ADCY8: variants seen among roughly 807,000 people sequenced by gnomAD.
The protein encoded by ADCY8 is adenylate cyclase type 8.
A neutral mutation model predicts 119.7 loss-of-function variants in ADCY8; 51 were observed. The observed-to-expected ratio is 0.43, with a 90% confidence interval of 0.34 to 0.54. The LOEUF is 0.54. ADCY8 is among the 20% of genes least tolerant of loss of function. ADCY8 has a pLI of 0.03. For missense variants in ADCY8, 1,383 were observed against 1,598.8 expected (o/e 0.87, Z 2.30); for synonymous variants, 665 against 651.0 (o/e 1.02, Z -0.33).
intron 2 of ADCY8, among the ~76,000 whole-genome samples, chr8:130,967,776 A>C (rs1306064976): frequency 1.3e-5 from 2 of 152,124 alleles, no homozygotes; most frequent in Non-Finnish European, 2.9e-5. Context: ...AAAATACATC[A>C]AACTGGGAAC....
intron 1 of ADCY8, among the ~76,000 whole-genome samples, chr8:131,001,471 A>G (rs1267131692): frequency 1.3e-5 from 2 of 151,788 alleles, no homozygotes; most frequent in African/African-American, 4.8e-5. Context: ...TTCTGATCTG[A>G]CCAATGGGAA....
chr8:130,922,463 C>T (rs975427943), intron 5 of ADCY8, among the ~76,000 whole-genome samples: 5 of 152,184 alleles, frequency 3.3e-5, no homozygotes, highest in Non-Finnish European at 7.4e-5. Context: ...CATCTTGCAC[C>T]GCCCTTAATC....
At chr8:130,816,217 C>T (rs966120607) in intron 13 of ADCY8, among the ~76,000 whole-genome samples, 1 of 152,218 alleles carries the variant, frequency 6.6e-6, no homozygotes, top group Non-Finnish European at 1.5e-5. Context: ...ACCAAATGTT[C>T]ATTTTGTTGG....
chr8:130,953,506 T>C (rs2130663470), intron 2 of ADCY8, among the ~76,000 whole-genome samples: 1 of 152,284 alleles, frequency 6.6e-6, no homozygotes, highest in East Asian at 1.9e-4. Context: ...AAGCGGCAGT[T>C]GCAGGGTACG....
intron 2 of ADCY8, among the ~76,000 whole-genome samples, chr8:130,970,306 A>G (rs1439216525): frequency 6.6e-6 from 1 of 152,200 alleles, no homozygotes; most frequent in Non-Finnish European, 1.5e-5. Context: ...CTCCTGTCAG[A>G]TCGGTGGCAG....
intron 5 of ADCY8, among the ~76,000 whole-genome samples, chr8:130,915,769 C>A (rs1424939299): frequency 6.6e-6 from 1 of 152,120 alleles, no homozygotes; most frequent in Non-Finnish European, 1.5e-5. Context: ...CTTTACCTAC[C>A]CTTTTCTGCT....
chr8:130,961,075 G>A (rs1821587595), intron 2 of ADCY8, among the ~76,000 whole-genome samples: 1 of 152,090 alleles, frequency 6.6e-6, no homozygotes, highest in African/African-American at 2.4e-5. Context: ...GCACAAAGGA[G>A]GCCTTTTACT....
intron 2 of ADCY8, among the ~76,000 whole-genome samples, chr8:130,975,115 C>T (rs1197872818): frequency 6.6e-6 from 1 of 152,170 alleles, no homozygotes; most frequent in Non-Finnish European, 1.5e-5. Context: ...ACAGTGCTGT[C>T]CTCTTGTTTA....
At chr8:130,904,299 C>T (rs184816708) in intron 6 of ADCY8, among the ~76,000 whole-genome samples, 1 of 152,324 alleles carries the variant, frequency 6.6e-6, no homozygotes, top group African/African-American at 2.4e-5. Flanking sequence ...TGAGCCACAC[C>T]TAAGCACATC....
intron 8 of ADCY8, among the ~76,000 whole-genome samples, chr8:130,882,897 G>C (rs568342435): frequency 3.3e-5 from 5 of 152,006 alleles, no homozygotes; most frequent in Non-Finnish European, 7.4e-5. Flanking sequence ...CAGGAGAGGA[G>C]TGATCGTTTG....
chr8:130,793,522 A>G (rs1815487737), intron 15 of ADCY8, among the ~76,000 whole-genome samples: 2 of 152,170 alleles, frequency 1.3e-5, no homozygotes, highest in African/African-American at 4.8e-5. Flanking sequence ...AATAGAGTAT[A>G]AGCTTCATGA....
intron 6 of ADCY8, among the ~76,000 whole-genome samples, chr8:130,906,438 G>A (rs1318636970): frequency 1.3e-5 from 2 of 152,070 alleles, no homozygotes; most frequent in African/African-American, 4.8e-5. Flanking sequence ...AGTATGCAAG[G>A]GGACAAATAC....
At chr8:130,946,851 A>G (rs1821119540) in intron 3 of ADCY8, among the ~76,000 whole-genome samples, 1 of 152,214 alleles carries the variant, frequency 6.6e-6, no homozygotes, top group African/African-American at 2.4e-5. Context: ...CTGTACCACA[A>G]TCTGCTTTAA....
chr8:131,029,771 T>G (rs953027245), intron 1 of ADCY8, among the ~76,000 whole-genome samples: 1 of 152,044 alleles, frequency 6.6e-6, no homozygotes, highest in Admixed American at 6.6e-5. Context: ...TGGTGTACTT[T>G]TGCTGTATTG....
intron 5 of ADCY8, among the ~76,000 whole-genome samples, chr8:130,924,048 T>C (rs1169173047): frequency 6.6e-6 from 1 of 152,214 alleles, no homozygotes; most frequent in Non-Finnish European, 1.5e-5. Flanking sequence ...TGATGGCAAA[T>C]TTCAGGCATC....
At position 131,040,620 on chromosome 8, in the gene ADCY8, G is replaced by A. The variant is rs1053411885; in HGVS notation, c.-287C>T. On this transcript the variant is annotated 5_prime_UTR_variant, in exon 1 of 18. Coordinates refer to ENST00000286355, the MANE Select transcript of ADCY8 (RefSeq NM_001115.3). ...AGCGGCAGTGGCTATTTGTCCTCAG[G>A]AGCCGCAGCGCTGTGAGCCACGCAG... The A allele has an allele frequency of 3.3e-4, 102 of 311,088 alleles. No homozygotes were observed. The highest frequency in any genetic ancestry group is 5.3e-4 in the Non-Finnish European group (91 of 171,584). 19.3% of individuals were successfully genotyped at this position (311,088 alleles called of 1,614,324 possible). A position where few individuals can be genotyped will look rare whatever the true frequency, so the allele number is the denominator to read the frequency against.
chr8:131,026,364 A>G (rs948156182), intron 1 of ADCY8, among the ~76,000 whole-genome samples: 1 of 152,042 alleles, frequency 6.6e-6, no homozygotes, highest in African/African-American at 2.4e-5. Context: ...AGCCTCCAGA[A>G]CTATGAGAAA....
At chr8:130,879,733 A>G (rs1400481673) in intron 8 of ADCY8, among the ~76,000 whole-genome samples, 4 of 152,220 alleles carry the variant, frequency 2.6e-5, no homozygotes, top group African/African-American at 9.6e-5. Context: ...GATAGTATGT[A>G]AATACTAAAA....
chr8:130,780,316 T>A lies in ADCY8; in HGVS notation c.*74A>T. ...GAAACCATCCTTGTTCTAAAAAAAA[T>A]TAAACCTTTTTATTAGTATATTTAT... On this transcript the variant is annotated 3_prime_UTR_variant, in exon 18 of 18. Coordinates refer to ENST00000286355, the MANE Select transcript of ADCY8 (RefSeq NM_001115.3). 1 of 1,128,930 alleles carries A rather than the reference T, an allele frequency of 8.9e-7. No homozygotes were observed. 69.9% of individuals were successfully genotyped at this position (1,128,930 alleles called of 1,614,324 possible). A position where few individuals can be genotyped will look rare whatever the true frequency, so the allele number is the denominator to read the frequency against.
Sources: allele counts gnomAD v4.1 joint callset (sites outside exome capture counted in the v4.1 genomes callset), GRCh38; gene constraint gnomAD v4.1.1; transcripts MANE v1.5; gene names NCBI Gene and HGNC (gene_info 2026-07-23, HGNC 2026-07-21).